CDK17: variants seen among roughly 807,000 people sequenced by gnomAD.
The protein encoded by CDK17 is cyclin-dependent kinase 17.
CDK17 carries 24 observed loss-of-function variants against 77.6 expected under a neutral mutation model. The ratio of observed to expected loss-of-function variants is 0.31; its 90% CI spans 0.22 to 0.44. The LOEUF (loss-of-function observed/expected upper bound fraction) is 0.44. Ranked by LOEUF, CDK17 falls within the 20% of genes least tolerant of loss-of-function variation. CDK17 has a pLI of 1.00. For missense variants in CDK17, 429 were observed against 622.5 expected, an observed-to-expected ratio of 0.69 and a Z score of 3.31; for synonymous variants, 203 against 210.4, an observed-to-expected ratio of 0.96 and a Z score of 0.30.
At chr12:96,352,072 C>A (rs1953320001) in intron 1 of CDK17, among the ~76,000 whole-genome samples, 1 of 152,084 alleles carries the variant, frequency 6.6e-6, no homozygotes, top group African/African-American at 2.4e-5. Flanking sequence ...AGTGAACCTG[C>A]AATAGGAGGG....
At chr12:96,345,576 T>TA (rs919791974) in intron 1 of CDK17, among the ~76,000 whole-genome samples, 13 of 151,946 alleles carry the variant, frequency 8.6e-5, no homozygotes, top group African/African-American at 2.4e-4. Flanking sequence ...TCTTAAAAGG[T>TA]AAAAAAAATT....
intron 1 of CDK17, among the ~76,000 whole-genome samples, chr12:96,353,881 C>T (rs2137176294): frequency 2.0e-5 from 3 of 152,162 alleles, no homozygotes; most frequent in Middle Eastern, 6.8e-3. Context: ...AGGATTGAAC[C>T]TATTGGAACA....
chr12:96,398,054 T>G (rs1954200333), intron 1 of CDK17, among the ~76,000 whole-genome samples: 1 of 152,232 alleles, frequency 6.6e-6, no homozygotes, highest in Non-Finnish European at 1.5e-5. Context: ...TATACTTCAA[T>G]AGTGTTTTAT....
chr12:96,280,022 G>A lies in CDK17; in HGVS notation c.*220C>T. On this transcript the variant is annotated 3_prime_UTR_variant, in exon 17 of 17. Coordinates refer to ENST00000261211, the MANE Select transcript of CDK17 (RefSeq NM_002595.5). The stretch of plus-strand genomic sequence containing the variant: ...ATAGCTGTAACCTACTGGCTCTAAT[G>A]GCAGAGAAGACCTTAAAACCGACTG... 2.2e-6 allele frequency: 1 copy of A among 455,084 alleles called. No individual in the cohort carries two copies. The highest frequency in any genetic ancestry group is 4.7e-5 in the South Asian group (1 of 21,064). The allele number at this position is 455,084 out of a possible 1,614,324, so 28.2% of individuals were successfully genotyped here. A position where few individuals can be genotyped will look rare whatever the true frequency, so the allele number is the denominator to read the frequency against.
intron 1 of CDK17, among the ~76,000 whole-genome samples, chr12:96,343,512 G>C: frequency 6.6e-6 from 1 of 152,136 alleles, no homozygotes; most frequent in Non-Finnish European, 1.5e-5. Context: ...AGGCCCTCTG[G>C]GGCTACCGGG....
chr12:96,333,843 G>C (rs1953004601), intron 2 of CDK17, among the ~76,000 whole-genome samples: 1 of 152,094 alleles, frequency 6.6e-6, no homozygotes, highest in Non-Finnish European at 1.5e-5. Flanking sequence ...TCTGAGTAAA[G>C]GAAATAAGAA....
chr12:96,398,701 T>C (rs1954210548), intron 1 of CDK17, among the ~76,000 whole-genome samples: 2 of 152,218 alleles, frequency 1.3e-5, no homozygotes, highest in African/African-American at 2.4e-5. Context: ...CATTTCCTGA[T>C]AAGTGACTGA....
chr12:96,284,115 T>C (rs570782699), intron 13 of CDK17, among the ~76,000 whole-genome samples: 25 of 152,192 alleles, frequency 1.6e-4, no homozygotes, highest in Non-Finnish European at 3.2e-4. Context: ...GTTGTCTGCT[T>C]AGCACCGGGT....
intron 1 of CDK17, among the ~76,000 whole-genome samples, chr12:96,337,369 T>TG (rs373456269): frequency 7.2e-5 from 11 of 152,178 alleles, no homozygotes; most frequent in African/African-American, 2.7e-4. Context: ...GCACAGAGTG[T>TG]GTCTGTCTCC....
Position 96,331,726 on chromosome 12 carries a change from G to A in CDK17, c.118+2993C>T, listed in dbSNP as rs192607465. Among the ~76,000 whole-genome samples the A allele has an allele frequency of 3.3e-3, 507 of 152,118 alleles. 8 individuals are homozygous for A. Among genetic ancestry groups the A allele is most frequent in the African/African-American group, 0.012 (479 of 41,490 alleles). Reference sequence around the variant, plus strand: ...ATTATGGGTATAAGTATAACCAAACGCATCATACCCATAATTTCTCCAACA... The same window carrying A: ...ATTATGGGTATAAGTATAACCAAACACATCATACCCATAATTTCTCCAACA... On this transcript the variant is annotated intron_variant, in intron 2 of 16. Coordinates refer to ENST00000261211, the MANE Select transcript of CDK17 (RefSeq NM_002595.5).
chr12:96,332,584 A>C (rs1952988151), intron 2 of CDK17, among the ~76,000 whole-genome samples: 1 of 150,300 alleles, frequency 6.7e-6, no homozygotes, highest in South Asian at 2.1e-4. Context: ...AAGGTGTAGA[A>C]TCTCTGTGAA....
intron 2 of CDK17, among the ~76,000 whole-genome samples, chr12:96,331,269 A>T (rs1315430701): frequency 6.6e-6 from 1 of 152,210 alleles, no homozygotes; most frequent in East Asian, 1.9e-4. Flanking sequence ...TTAAAAACTG[A>T]ACATTAAACA....
chr12:96,381,615 A>C (rs1053798476), intron 1 of CDK17, among the ~76,000 whole-genome samples: 3 of 152,060 alleles, frequency 2.0e-5, no homozygotes, highest in Admixed American at 2.0e-4. Flanking sequence ...GCCATTTACT[A>C]AAGTAGAATT....
intron 1 of CDK17, among the ~76,000 whole-genome samples, chr12:96,394,424 CT>C (rs1269400137): frequency 2.6e-5 from 4 of 152,076 alleles, no homozygotes; most frequent in African/African-American, 7.2e-5. Context: ...TCTTTGGGTC[CT>C]TTTCCCTTGT....
chr12:96,373,874 C>G (rs1015674126), intron 1 of CDK17, among the ~76,000 whole-genome samples: 3 of 151,784 alleles, frequency 2.0e-5, no homozygotes, highest in Admixed American at 2.0e-4. Context: ...GAGCCAAGAT[C>G]GCGCCATTGC....
intron 1 of CDK17, 57 bp downstream of exon 1, chr12:96,399,908 GTCCCACGCAGCCTCCCGGCCC>G (rs1255153945): frequency 6.0e-6 from 2 of 335,146 alleles, no homozygotes; most frequent in Admixed American, 4.9e-5. Flanking sequence ...CCCCGCCTCT[GTCCCACGCAGCCTCCCGGCCC>G]CGCGGCCGAC....
At chr12:96,380,894 A>G (rs1051235157) in intron 1 of CDK17, among the ~76,000 whole-genome samples, 7 of 152,190 alleles carry the variant, frequency 4.6e-5, no homozygotes, top group African/African-American at 1.7e-4. Context: ...AAGGAATATA[A>G]ATTTTTTTCA....
chr12:96,333,181 T>C (rs1369852372), intron 2 of CDK17, among the ~76,000 whole-genome samples: 1 of 150,468 alleles, frequency 6.6e-6, no homozygotes, highest in Non-Finnish European at 1.5e-5. Flanking sequence ...AATGAGGGGG[T>C]CTAAAAGAGA....
At chr12:96,342,769 G>A (rs183738006) in intron 1 of CDK17, among the ~76,000 whole-genome samples, 23 of 152,074 alleles carry the variant, frequency 1.5e-4, no homozygotes, top group Admixed American at 5.2e-4. Context: ...GTTCAAGACC[G>A]CCTGATCAAC....
Sources: allele counts gnomAD v4.1 joint callset (sites outside exome capture counted in the v4.1 genomes callset), GRCh38; gene constraint gnomAD v4.1.1; transcripts MANE v1.5; gene names NCBI Gene and HGNC (gene_info 2026-07-23, HGNC 2026-07-21).